The following FOXP2 variants were observed in gnomAD, a reference collection of about 807,000 sequenced individuals.
The protein encoded by FOXP2 is forkhead box P2.
Under a neutral mutation model 115.8 loss-of-function variants are expected in FOXP2, and 12 were observed. That is an observed-to-expected ratio of 0.10 (90% CI 0.07 to 0.17). The LOEUF (loss-of-function observed/expected upper bound fraction) is 0.17. FOXP2 is among the 10% of genes least tolerant of loss of function. The probability of loss-of-function intolerance (pLI) is 1.00; values close to 1 mark genes in which losing one functional copy is unlikely to be tolerated. For missense variants in FOXP2, 629 were observed against 843.5 expected, an observed-to-expected ratio of 0.75 and a Z score of 3.15; for synonymous variants, 328 against 297.7, an observed-to-expected ratio of 1.10 and a Z score of -1.05.
At position 114,691,929 on chromosome 7, in the gene FOXP2, CAAAAA is replaced by C; in HGVS notation, c.*2012_*2016del. Reference sequence around the variant, plus strand: ...GGCTTTCTGAAAGCTTCTACCTCTGCAAAAAAAAAAAAAGAAAAAAAAAAAAAGAA... The same window carrying C: ...GGCTTTCTGAAAGCTTCTACCTCTGCAAAAAAAAGAAAAAAAAAAAAAGAA... On this transcript the variant is annotated 3_prime_UTR_variant, in exon 17 of 17. Coordinates refer to ENST00000350908, the MANE Select transcript of FOXP2 (RefSeq NM_014491.4). The C allele has an allele frequency of 4.0e-6, 1 of 250,934 alleles. No individual in the cohort carries two copies. The highest frequency in any genetic ancestry group is 7.2e-6 in the Non-Finnish European group (1 of 138,912). 15.5% of individuals were successfully genotyped at this position (250,934 alleles called of 1,614,324 possible). A position where few individuals can be genotyped will look rare whatever the true frequency, so the allele number is the denominator to read the frequency against.
chr7:114,126,497 G>A (rs989947174), intron 1 of FOXP2, among the ~76,000 whole-genome samples: 2 of 152,096 alleles, frequency 1.3e-5, no homozygotes, highest in Non-Finnish European at 2.9e-5. Context: ...TGACTTAGAT[G>A]TTGGGTTTAT....
At chr7:114,619,944 G>A (rs1804155131) in intron 3 of FOXP2, among the ~76,000 whole-genome samples, 1 of 152,026 alleles carries the variant, frequency 6.6e-6, no homozygotes, top group Non-Finnish European at 1.5e-5. Flanking sequence ...ACATGTAAAT[G>A]TCATTGCATA....
chr7:114,534,073 A>G (rs1295537504), intron 2 of FOXP2, among the ~76,000 whole-genome samples: 2 of 151,878 alleles, frequency 1.3e-5, no homozygotes, highest in African/African-American at 4.8e-5. Context: ...TGGCATTAAA[A>G]CTGCACTTTA....
At chr7:114,478,801 G>C (rs1796398650) in intron 2 of FOXP2, among the ~76,000 whole-genome samples, 1 of 151,658 alleles carries the variant, frequency 6.6e-6, no homozygotes, top group African/African-American at 2.4e-5. Flanking sequence ...ACCACGTTTA[G>C]CATGATATAT....
At chr7:114,487,115 C>G (rs1796823178) in intron 2 of FOXP2, among the ~76,000 whole-genome samples, 1 of 152,234 alleles carries the variant, frequency 6.6e-6, no homozygotes, top group Admixed American at 6.5e-5. Context: ...GACCTCAACC[C>G]TAAAGCAAAC....
chr7:114,392,263 C>T (rs879529740), intron 2 of FOXP2, among the ~76,000 whole-genome samples: 5 of 152,166 alleles, frequency 3.3e-5, no homozygotes, highest in African/African-American at 4.8e-5. Flanking sequence ...GGCCAGTATG[C>T]GTGGTTGGAG....
At chr7:114,687,316 C>G (rs923452560) in intron 16 of FOXP2, among the ~76,000 whole-genome samples, 11 of 152,112 alleles carry the variant, frequency 7.2e-5, no homozygotes, top group Non-Finnish European at 1.5e-4. Context: ...ACGTTATTTG[C>G]ATCCCCAGCA....
upstream of FOXP2, among the ~76,000 whole-genome samples, chr7:114,409,676 A>C (rs141947263): frequency 1.5e-4 from 23 of 152,264 alleles, no homozygotes; most frequent in African/African-American, 4.8e-4. Flanking sequence ...AAAATGGGAA[A>C]GAAAGTACTT....
chr7:114,169,687 T>A (rs923068215), intron 1 of FOXP2, among the ~76,000 whole-genome samples: 1 of 151,840 alleles, frequency 6.6e-6, no homozygotes, highest in African/African-American at 2.4e-5. Context: ...GACATGAGAT[T>A]TGGGAGGGGT....
chr7:114,539,552 T>A (rs961539317), intron 3 of FOXP2, among the ~76,000 whole-genome samples: 1 of 151,830 alleles, frequency 6.6e-6, no homozygotes, highest in South Asian at 2.1e-4. Context: ...ACATTATTTC[T>A]TGATCATAAA....
intron 2 of FOXP2, among the ~76,000 whole-genome samples, chr7:114,401,332 A>G (rs1281078347): frequency 6.6e-6 from 1 of 152,214 alleles, no homozygotes; most frequent in African/African-American, 2.4e-5. Context: ...ATATCCTTCC[A>G]GAAAGTTTGC....
chr7:114,152,762 G>T (rs1792560399), intron 1 of FOXP2, among the ~76,000 whole-genome samples: 1 of 152,114 alleles, frequency 6.6e-6, no homozygotes, highest in Non-Finnish European at 1.5e-5. Context: ...CAAGAACAGG[G>T]AAGGTGTTTG....
At chr7:114,542,178 C>T (rs1487877855) in intron 3 of FOXP2, among the ~76,000 whole-genome samples, 2 of 152,006 alleles carry the variant, frequency 1.3e-5, no homozygotes, top group Non-Finnish European at 1.5e-5. Flanking sequence ...TTCTCCTTTA[C>T]CATTTTATTT....
intron 3 of FOXP2, among the ~76,000 whole-genome samples, chr7:114,625,606 A>G (rs1804519388): frequency 6.6e-6 from 1 of 151,774 alleles, no homozygotes; most frequent in Non-Finnish European, 1.5e-5. Flanking sequence ...TAGCAAGTAA[A>G]TGAAATGGGA....
chr7:114,570,804 T>A (rs1801262716), intron 3 of FOXP2: 1 of 1,610,732 alleles, frequency 6.2e-7, no homozygotes, highest in Non-Finnish European at 8.5e-7. Context: ...TTGTTTAACC[T>A]AGGAATTGCT....
intron 2 of FOXP2, among the ~76,000 whole-genome samples, chr7:114,476,302 G>A (rs1203414702): frequency 2.6e-5 from 4 of 152,006 alleles, no homozygotes; most frequent in South Asian, 2.1e-4. Flanking sequence ...TTTGTAAATA[G>A]TGAAAAGTAG....
intron 2 of FOXP2, among the ~76,000 whole-genome samples, chr7:114,301,526 G>A (rs1035902638): frequency 1.3e-5 from 2 of 152,050 alleles, no homozygotes; most frequent in Non-Finnish European, 2.9e-5. Context: ...TCACTGAGGA[G>A]CTTTGGTTTT....
intron 2 of FOXP2, among the ~76,000 whole-genome samples, chr7:114,350,964 C>G (rs1165007455): frequency 1.3e-5 from 2 of 152,122 alleles, no homozygotes; most frequent in Admixed American, 6.6e-5. Context: ...CATCTCTAGA[C>G]TACTTAGAGT....
intron 1 of FOXP2, among the ~76,000 whole-genome samples, chr7:114,146,268 C>T (rs1443019879): frequency 3.3e-5 from 5 of 152,184 alleles, no homozygotes; most frequent in East Asian, 1.9e-4. Flanking sequence ...ATAAATAACT[C>T]GTACATGCTT....
Sources: gnomAD v4.1 joint callset for allele counts (sites outside exome capture counted in the v4.1 genomes callset) on GRCh38, gnomAD v4.1.1 for gene constraint, MANE v1.5 for transcripts, NCBI Gene and HGNC (gene_info 2026-07-23, HGNC 2026-07-21) for gene names.